PTPRF: variants seen among roughly 807,000 people sequenced by gnomAD.
PTPRF encodes receptor-type tyrosine-protein phosphatase F.
Under a neutral mutation model 201.8 loss-of-function variants are expected in PTPRF, and 59 were observed. The ratio of observed to expected loss-of-function variants is 0.29; its 90% CI spans 0.24 to 0.36. The LOEUF (loss-of-function observed/expected upper bound fraction) is 0.36, where lower values mean the gene tolerates loss of function less well. Among genes scored for constraint, PTPRF ranks in the 10% least tolerant of loss-of-function variants. The probability of loss-of-function intolerance (pLI) is 1.00; values close to 1 mark genes in which losing one functional copy is unlikely to be tolerated. For missense variants in PTPRF, 2,132 were observed against 2,690.5 expected (o/e 0.79, Z 4.59); for synonymous variants, 1,088 against 1,089.7 (o/e 1.00, Z 0.03).
intron 5 of PTPRF, among the ~76,000 whole-genome samples, chr1:43,560,230 CGT>C (rs1249701539): frequency 2.2e-5 from 3 of 137,136 alleles, no homozygotes; most frequent in Admixed American, 7.3e-5. Flanking sequence ...TGCATCAGGC[CGT>C]GTGTGTGTGC....
chr1:43,585,724 C>T (rs565162022), intron 7 of PTPRF, among the ~76,000 whole-genome samples: 1 of 152,312 alleles, frequency 6.6e-6, no homozygotes, highest in Non-Finnish European at 1.5e-5. Flanking sequence ...CGCCTTTTGG[C>T]CTGAAGACCC....
chr1:43,620,379 A>G, intron 30 of PTPRF, 75 bp from the exon 31 acceptor site: 2 of 1,537,224 alleles, frequency 1.3e-6, no homozygotes, highest in South Asian at 1.2e-5. Flanking sequence ...CATCTGTCCC[A>G]GAATCCTGTG....
At chr1:43,577,629 T>C (rs1336620592) in intron 6 of PTPRF, among the ~76,000 whole-genome samples, 3 of 152,176 alleles carry the variant, frequency 2.0e-5, no homozygotes, top group Non-Finnish European at 4.4e-5. Context: ...TTCCTCTGGC[T>C]CCTGTCCAGT....
upstream of PTPRF, among the ~76,000 whole-genome samples, chr1:43,522,933 C>T (rs1329954403): frequency 2.0e-5 from 3 of 152,288 alleles, no homozygotes; most frequent in East Asian, 5.8e-4. Flanking sequence ...CCATTTGCGG[C>T]TGCAGCGCAG....
Position 43,606,810 on chromosome 1 carries a change from A to T in PTPRF, c.3703-4A>T, listed in dbSNP as rs765578862. On this transcript the variant is annotated splice_polypyrimidine_tract_variant and splice_region_variant and intron_variant, in intron 20 of 33. Transcript: ENST00000359947. ...ACAGCCTGCTGTTCTCCACCGGGCC[A>T]CAGAAGCGCTATGCCTCCAGCCCCT... 7 of 1,612,702 alleles carry T rather than the reference A, an allele frequency of 4.3e-6. No homozygotes were observed. Among genetic ancestry groups the T allele is most frequent in the Non-Finnish European group, 3.4e-6 (4 of 1,179,478 alleles).
chr1:43,605,335 G>A lies in PTPRF; in HGVS notation c.3281G>A (p.Arg1094His), dbSNP rs1427598531. 7 of 1,613,628 alleles carry A rather than the reference G, an allele frequency of 4.3e-6. No homozygotes were observed. The highest frequency in any genetic ancestry group is 4.0e-5 in the African/African-American group (3 of 74,922). ...AGGLQHLVSIRTAPDLLPHKP... is the reference protein window; with the variant it reads ...AGGLQHLVSIHTAPDLLPHKP... ...GGCCTGCAGCACCTGGTGTCCATCC[G>A]CACAGCCCCCGACCTCCTGCCTCAC... Residue 1094 changes from arginine to histidine, a missense_variant, in exon 18 of 34, where the codon CGC (arginine) becomes CAC (histidine). Arg to His is a conservative substitution (Grantham distance 29). Around this residue, in one of 6 missense-constraint regions of PTPRF, gnomAD observed 818 missense variants for 915.3 expected, o/e 0.89. Coordinates refer to ENST00000359947, the MANE Select transcript of PTPRF (RefSeq NM_002840.5).
Position 43,592,587 on chromosome 1 carries a change from G to T in PTPRF, c.1799G>T (p.Arg600Leu), listed in dbSNP as rs751589837. ...GTCTTCACCCCCACCATTGAGGCCCGCACAGCCCAGTCCAGTAAGTGTCTC... is the reference window on the plus strand; with the variant it reads ...GTCTTCACCCCCACCATTGAGGCCCTCACAGCCCAGTCCAGTAAGTGTCTC... ...VGVFTPTIEA[R>L]TAQSTPSAPP... Residue 600 changes from arginine (R) to leucine (L), a missense_variant, in exon 11 of 34, where the codon CGC (arginine) becomes CTC (leucine). Arg to Leu is a moderately radical substitution (Grantham distance 102). Around this residue, in one of 6 missense-constraint regions of PTPRF, gnomAD observed 351 missense variants for 401.7 expected, o/e 0.87. Coordinates refer to ENST00000359947, the MANE Select transcript of PTPRF (RefSeq NM_002840.5). 6.2e-7 allele frequency: 1 copy of T among 1,601,526 alleles called. No individual in the cohort carries two copies. Among genetic ancestry groups the T allele is most frequent in the Non-Finnish European group, 8.5e-7 (1 of 1,174,640 alleles).
At chr1:43,558,709 C>T (rs1170899905) in intron 5 of PTPRF, among the ~76,000 whole-genome samples, 1 of 152,194 alleles carries the variant, frequency 6.6e-6, no homozygotes, top group Non-Finnish European at 1.5e-5. Context: ...CCGCTGCCGC[C>T]ACTGAGACAG....
At chr1:43,561,809 G>A (rs1193747036) in intron 5 of PTPRF, among the ~76,000 whole-genome samples, 4 of 152,302 alleles carry the variant, frequency 2.6e-5, no homozygotes, top group South Asian at 2.1e-4. Context: ...GCCTTGAGGC[G>A]CCCAAGTGGA....
chr1:43,590,949 T>G, intron 8 of PTPRF, 23 bp from the exon 9 acceptor site: 1 of 1,589,578 alleles, frequency 6.3e-7, no homozygotes, highest in Non-Finnish European at 8.6e-7. Context: ...CGGGCAGCTT[T>G]GAGCCTTCCA....
chr1:43,527,510 C>A (rs1327241572), upstream of PTPRF, among the ~76,000 whole-genome samples: 1 of 152,242 alleles, frequency 6.6e-6, no homozygotes, highest in East Asian at 1.9e-4. Flanking sequence ...TACAGGCATT[C>A]TCTTGCCCTG....
chr1:43,569,429 T>C (rs559308792), intron 5 of PTPRF, among the ~76,000 whole-genome samples, 161 bp from the exon 6 acceptor site: 24 of 152,164 alleles, frequency 1.6e-4, no homozygotes, highest in Non-Finnish European at 2.9e-5. Context: ...CTTAGGACCC[T>C]GGTTCCTCAA....
chr1:43,597,029 G>GTT (rs1182120681), intron 11 of PTPRF, among the ~76,000 whole-genome samples: 1 of 152,110 alleles, frequency 6.6e-6, no homozygotes, highest in Non-Finnish European at 1.5e-5. Context: ...CACCAAGACA[G>GTT]TATATGTGCG....
In PTPRF at chr1:43,604,893, GC is replaced by G. The variant is rs1557832763; in HGVS notation, c.3038-8del. ...ACCCAGCAGAGCTGACTCTCTCTAT[GC>G]CTTTGCAGTGTTTGCCAAGAACTTC... On this transcript the variant is annotated splice_polypyrimidine_tract_variant and intron_variant, in intron 16 of 33. Coordinates refer to ENST00000359947, the MANE Select transcript of PTPRF (RefSeq NM_002840.5). 6.2e-7 allele frequency: 1 copy of G among 1,612,536 alleles called. No homozygotes were observed. Among genetic ancestry groups the G allele is most frequent in the South Asian group, 1.1e-5 (1 of 91,070 alleles).
chr1:43,525,051 CCAGA>C (rs1226923157), upstream of PTPRF: 1 of 152,146 alleles, frequency 6.6e-6, no homozygotes, highest in African/African-American at 2.4e-5. Context: ...TGGCTTTTTG[CCAGA>C]CAGATATGAT....
Position 43,554,786 on chromosome 1 carries a change from CTGAA to C in PTPRF, c.379+848_379+851del, listed in dbSNP as rs933632815. Among the ~76,000 whole-genome samples, 6 of 152,058 alleles carry C rather than the reference CTGAA, an allele frequency of 3.9e-5. No individual in the cohort carries two copies. The highest frequency in any genetic ancestry group is 8.8e-5 in the Non-Finnish European group (6 of 68,020). On this transcript the variant is annotated intron_variant, in intron 5 of 33. Transcript: ENST00000359947. The surrounding 1 kb of genome is among the most constrained non-coding windows in gnomAD (Gnocchi z 4.1). Reference sequence around the variant, plus strand: ...CCCCAGCCACAACTGATTCATCAGTCTGAATGTGTTTATGTTTTCAAAATATAGC... The same window carrying C: ...CCCCAGCCACAACTGATTCATCAGTCTGTGTTTATGTTTTCAAAATATAGC...
chr1:43,598,649 A>G (rs1443899726), intron 12 of PTPRF, 71 bp from the exon 13 acceptor site: 53 of 1,433,548 alleles, frequency 3.7e-5, no homozygotes. Flanking sequence ...AGGACCCTCA[A>G]GTTTGCTGTG....
chr1:43,615,286 C>T (rs534417013), intron 23 of PTPRF, among the ~76,000 whole-genome samples: 31 of 152,270 alleles, frequency 2.0e-4, no homozygotes, highest in African/African-American at 6.3e-4. Flanking sequence ...TCACGGAGCC[C>T]GTAAGGTGGG....
At chr1:43,607,601 C>T (rs1273569368) in intron 21 of PTPRF, among the ~76,000 whole-genome samples, 1 of 152,238 alleles carries the variant, frequency 6.6e-6, no homozygotes, top group Non-Finnish European at 1.5e-5. Flanking sequence ...AACTTTGTCA[C>T]TCTCAGTTTA....
Sources: allele counts gnomAD v4.1 joint callset (sites outside exome capture counted in the v4.1 genomes callset), GRCh38; gene constraint gnomAD v4.1.1; regional missense constraint gnomAD v4.1.1; non-coding constraint Gnocchi (gnomAD v3.1); transcripts MANE v1.5; gene names NCBI Gene and HGNC (gene_info 2026-07-23, HGNC 2026-07-21).